KIAA0930: variants seen among roughly 807,000 people sequenced by gnomAD.
The protein encoded by KIAA0930 is KIAA0930.
Under a neutral mutation model 43.9 loss-of-function variants are expected in KIAA0930, and 24 were observed. That is an observed-to-expected ratio of 0.55 (90% CI 0.40 to 0.77). KIAA0930 has a LOEUF of 0.77. Among genes scored for constraint, KIAA0930 ranks in the 30% least tolerant of loss-of-function variants. The probability of loss-of-function intolerance (pLI) is 0.00; values close to 1 mark genes in which losing one functional copy is unlikely to be tolerated. For synonymous variants in KIAA0930, 259 were observed against 216.4 expected (o/e 1.20, Z -1.73); for missense variants, 461 against 574.2 (o/e 0.80, Z 2.02).
intron 2 of KIAA0930, among the ~76,000 whole-genome samples, chr22:45,211,026 C>T (rs749799390): frequency 3.9e-5 from 6 of 152,266 alleles, no homozygotes; most frequent in Non-Finnish European, 7.4e-5. Context: ...GTGGGGCTAG[C>T]TCAGGGCTCG....
rs1394443865 is a variant in KIAA0930 at position 45,198,174 on chromosome 22, A to G, written c.1016-226T>C. On this transcript the variant is annotated intron_variant, in intron 8 of 9. Coordinates refer to ENST00000336156, the MANE Select transcript of KIAA0930 (RefSeq NM_001009880.2). ...GACCCAGGCCTCCAACTCCAGGAAG[A>G]CTTTGGCCACCCCCCTCATCTCTCT... is the stretch of plus-strand genomic sequence containing the variant. 6 of 564,470 alleles carry G rather than the reference A, an allele frequency of 1.1e-5. No homozygotes were observed. In the East Asian group the frequency reaches 1.7e-4, roughly 16 times the overall value. 35.0% of individuals were successfully genotyped at this position (564,470 alleles called of 1,614,324 possible).
chr22:45,240,568 C>T lies in KIAA0930; in HGVS notation c.64+72G>A, dbSNP rs575118050. ...CAGAGATGCGCGGGGCGCACAGAAA[C>T]ACGGACGCGCAGAGGCGGCCCCGGA... On this transcript the variant is annotated intron_variant, in intron 1 of 9. Coordinates refer to ENST00000336156, the MANE Select transcript of KIAA0930 (RefSeq NM_001009880.2). 2.4e-3 allele frequency: 2,680 copies of T among 1,094,862 alleles called. 82 individuals carry two copies. In the South Asian group the frequency reaches 0.035, roughly 14 times the overall value. 67.8% of individuals were successfully genotyped at this position (1,094,862 alleles called of 1,614,324 possible).
intron 5 of KIAA0930, among the ~76,000 whole-genome samples, chr22:45,204,214 C>T (rs963813326): frequency 2.8e-4 from 43 of 152,286 alleles, no homozygotes; most frequent in African/African-American, 1.0e-3. Flanking sequence ...CTTACGGAGA[C>T]TCTGGGACTG....
At position 45,212,336 on chromosome 22, in the gene KIAA0930, G is replaced by C. The variant is rs771974175; in HGVS notation, c.65-229C>G. 4 of 1,611,766 alleles carry C rather than the reference G, an allele frequency of 2.5e-6. No individual in the cohort carries two copies. The Admixed American group carries it at 5.0e-5, about 20-fold the overall frequency. Reference sequence around the variant, plus strand: ...GTTCCTCCACTCAGCAGCAGCCTGAGAGCCCATGCTCCCAGCCCCACAGCT... The same window carrying C: ...GTTCCTCCACTCAGCAGCAGCCTGACAGCCCATGCTCCCAGCCCCACAGCT... On this transcript the variant is annotated intron_variant, in intron 1 of 9. Coordinates refer to ENST00000336156, the MANE Select transcript of KIAA0930 (RefSeq NM_001009880.2).
At chr22:45,202,735 G>A in intron 7 of KIAA0930, 1 of 428,896 alleles carries the variant, frequency 2.3e-6, no homozygotes, top group Non-Finnish European at 4.1e-6. Flanking sequence ...CCAGCCTGCG[G>A]TGTGACCTTG....
At chr22:45,209,582 G>C (rs2004307) in intron 2 of KIAA0930, among the ~76,000 whole-genome samples, 1 of 151,998 alleles carries the variant, frequency 6.6e-6, no homozygotes, top group Non-Finnish European at 1.5e-5. Flanking sequence ...CCTACAACCC[G>C]CCCGCCAGAT....
chr22:45,211,473 G>A (rs1224575760), intron 2 of KIAA0930: 1 of 401,714 alleles, frequency 2.5e-6, no homozygotes, highest in African/African-American at 2.1e-5. Flanking sequence ...CGAGTTGTTG[G>A]GACTTCACAA....
At chr22:45,205,739 G>A (rs1446244133) in intron 3 of KIAA0930, 32 bp from the exon 4 acceptor site, 7 of 1,613,384 alleles carry the variant, frequency 4.3e-6, no homozygotes, top group African/African-American at 4.0e-5. Flanking sequence ...CGTGCAGGGA[G>A]GGGTCAGCCA....
chr22:45,197,270 T>A (rs1335806007), intron 9 of KIAA0930, 54 bp from the exon 10 acceptor site: 2 of 1,493,336 alleles, frequency 1.3e-6, no homozygotes, highest in African/African-American at 2.8e-5. Context: ...CAGCGGTGAG[T>A]GCTATGGTCA....
chr22:45,212,780 G>A (rs556826674), intron 1 of KIAA0930, among the ~76,000 whole-genome samples: 18 of 152,384 alleles, frequency 1.2e-4, no homozygotes. Context: ...GGCTTTGGTA[G>A]GGAAGATCTG....
At position 45,205,710 on chromosome 22, in the gene KIAA0930, G is replaced by A. The variant is rs747589110; in HGVS notation, c.337-3C>T. ...GCACAGGTCACCATGTAGTCCAGCT[G>A]GAAGAGAGCACGGGTCAGCGTGCAG... On this transcript the variant is annotated splice_region_variant and splice_polypyrimidine_tract_variant and intron_variant, in intron 3 of 9. Coordinates refer to ENST00000336156, the MANE Select transcript of KIAA0930 (RefSeq NM_001009880.2). 2.5e-6 allele frequency: 4 copies of A among 1,614,168 alleles called. No homozygotes were observed. Among genetic ancestry groups the A allele is most frequent in the East Asian group, 2.2e-5 (1 of 44,890 alleles).
At chr22:45,235,756 T>C (rs985210179) in intron 1 of KIAA0930, among the ~76,000 whole-genome samples, 10 of 152,246 alleles carry the variant, frequency 6.6e-5, no homozygotes, top group Admixed American at 2.0e-4. Context: ...ACTTCTCTCA[T>C]ACAATCCCTA....
At chr22:45,215,677 T>C (rs560486677) in intron 1 of KIAA0930, among the ~76,000 whole-genome samples, 1 of 152,324 alleles carries the variant, frequency 6.6e-6, no homozygotes, top group South Asian at 2.1e-4. Context: ...ATACGATGTT[T>C]AGTGGAAAAG....
intron 2 of KIAA0930, among the ~76,000 whole-genome samples, chr22:45,209,324 G>A (rs1281419692): frequency 6.6e-6 from 1 of 152,156 alleles, no homozygotes; most frequent in Non-Finnish European, 1.5e-5. Flanking sequence ...TTTGCCAGGG[G>A]GGGTCTCCCC....
At chr22:45,237,238 G>A (rs915073624) in intron 1 of KIAA0930, among the ~76,000 whole-genome samples, 1 of 152,230 alleles carries the variant, frequency 6.6e-6, no homozygotes, top group African/African-American at 2.4e-5. Context: ...TCTTGCTCCG[G>A]GCAGCCGCAG....
At position 45,193,622 on chromosome 22, in the gene KIAA0930, A is replaced by C. The variant is rs1420114458; in HGVS notation, c.*3554T>G. 1 of 152,234 alleles carries C rather than the reference A, an allele frequency of 6.6e-6. No individual in the cohort carries two copies. Among genetic ancestry groups the C allele is most frequent in the Non-Finnish European group, 1.5e-5 (1 of 68,050 alleles). 9.4% of individuals were successfully genotyped at this position (152,234 alleles called of 1,614,324 possible). On this transcript the variant is annotated 3_prime_UTR_variant, in exon 10 of 10. Transcript: ENST00000336156. ...AACTCACAGTCCATAAGAATCCAAA[A>C]GTGAGCGGCGACTTCACTCAGCAAC...
At chr22:45,213,302 C>T in intron 1 of KIAA0930, 1 of 1,302,940 alleles carries the variant, frequency 7.7e-7, no homozygotes, top group Non-Finnish European at 1.0e-6. Context: ...AGCCCTCTGC[C>T]CAACAGTGTG....
chr22:45,238,964 T>C (rs986629133), intron 1 of KIAA0930, among the ~76,000 whole-genome samples: 3 of 152,018 alleles, frequency 2.0e-5, no homozygotes, highest in Non-Finnish European at 2.9e-5. Context: ...GTCAGCATTG[T>C]GTCAGGATTA....
chr22:45,212,477 C>A, intron 1 of KIAA0930: 1 of 1,443,256 alleles, frequency 6.9e-7, no homozygotes, highest in Non-Finnish European at 9.1e-7. Flanking sequence ...GAAGGCTTGG[C>A]TGGGGGGGAG....
Sources: allele counts gnomAD v4.1 joint callset (sites outside exome capture counted in the v4.1 genomes callset), GRCh38; gene constraint gnomAD v4.1.1; transcripts MANE v1.5; gene names NCBI Gene and HGNC (gene_info 2026-07-23, HGNC 2026-07-21).